The following PADI2 variants were observed in gnomAD, a reference collection of about 807,000 sequenced individuals.
The protein encoded by PADI2 is protein-arginine deiminase type-2.
A neutral mutation model predicts 81.1 loss-of-function variants in PADI2; 70 were observed. That is an observed-to-expected ratio of 0.86 (90% CI 0.71 to 1.05). The LOEUF (loss-of-function observed/expected upper bound fraction) is 1.05, where lower values mean the gene tolerates loss of function less well. Among genes scored for constraint, PADI2 ranks in the 50% least tolerant of loss-of-function variants. The probability of loss-of-function intolerance (pLI) is 0.00; values close to 1 mark genes in which losing one functional copy is unlikely to be tolerated. For missense variants in PADI2, 853 were observed against 889.9 expected, an observed-to-expected ratio of 0.96 and a Z score of 0.53; for synonymous variants, 338 against 358.0, an observed-to-expected ratio of 0.94 and a Z score of 0.63.
chr1:17,104,559 C>A lies in PADI2; in HGVS notation c.276+319G>T, dbSNP rs541248574. Among the ~76,000 whole-genome samples, 799 of 150,482 alleles carry A rather than the reference C, an allele frequency of 5.3e-3. 4 individuals carry two copies. The highest frequency in any genetic ancestry group is 0.024 in the Middle Eastern group (7 of 292). On this transcript the variant is annotated intron_variant, in intron 2 of 15. Coordinates refer to ENST00000375486, the MANE Select transcript of PADI2 (RefSeq NM_007365.3). ...ACGCCATTCTCCTGCCTCAGCCTCCCAAGTAGCTGGGTCTACAGGCACCCG... is the reference window on the plus strand; with the variant it reads ...ACGCCATTCTCCTGCCTCAGCCTCCAAAGTAGCTGGGTCTACAGGCACCCG...
chr1:17,112,502 T>C (rs573562496), intron 1 of PADI2, among the ~76,000 whole-genome samples: 1 of 136,864 alleles, frequency 7.3e-6, no homozygotes, highest in East Asian at 2.4e-4. Flanking sequence ...GACATCCTGC[T>C]CTTGGGGCTT....
Position 17,069,077 on chromosome 1 carries a change from G to A in PADI2, c.1965C>T (p.Pro655=). 1 of 1,614,218 alleles carries A rather than the reference G, an allele frequency of 6.2e-7. No individual in the cohort carries two copies. Among genetic ancestry groups the A allele is most frequent in the Non-Finnish European group, 8.5e-7 (1 of 1,180,010 alleles). ...VHCGTNVRRK[P]FTFKWWHMVP is the part of the protein sequence containing the mutation. ...CCATGTGCCACCACTTGAAGGTGAA[G>A]GGCTTCCTGCGGACGTTGGTGCCAC... Residue 655 remains proline (P), a synonymous_variant, in exon 16 of 16, where the codon CCC becomes CCT. Transcript: ENST00000375486.
chr1:17,099,953 T>G (rs1190526080), intron 3 of PADI2, among the ~76,000 whole-genome samples: 1 of 152,066 alleles, frequency 6.6e-6, no homozygotes, highest in African/African-American at 2.4e-5. Flanking sequence ...CTCTTTCTGC[T>G]CAATGTGGAC....
At chr1:17,102,754 G>GGGA (rs748437796) in intron 3 of PADI2, among the ~76,000 whole-genome samples, 22 of 151,260 alleles carry the variant, frequency 1.5e-4, no homozygotes, top group Admixed American at 1.4e-3. Flanking sequence ...TGACACTTGG[G>GGGA]GGGGGGTTGC....
chr1:17,095,346 C>T (rs1235489111), intron 4 of PADI2, among the ~76,000 whole-genome samples: 1 of 152,156 alleles, frequency 6.6e-6, no homozygotes, highest in Admixed American at 6.5e-5. Flanking sequence ...GAAAGAGACA[C>T]ATTAAACCCA....
In PADI2 at chr1:17,092,335, A is replaced by G. The variant is rs111968999; in HGVS notation, c.655+73T>C. On this transcript the variant is annotated intron_variant, in intron 6 of 15. Transcript: ENST00000375486. ...CTTCCCCAGGCACCTGCACCTGTGAAGGCCACAACTGCTAAGGGGAGGAGG... is the reference window on the plus strand; with the variant it reads ...CTTCCCCAGGCACCTGCACCTGTGAGGGCCACAACTGCTAAGGGGAGGAGG... 5,835 of 1,318,912 alleles carry G rather than the reference A, an allele frequency of 4.4e-3. 186 individuals are homozygous for G. In the African/African-American group the frequency reaches 0.07, roughly 16 times the overall value. 81.7% of individuals were successfully genotyped at this position (1,318,912 alleles called of 1,614,324 possible).
At chr1:17,083,497 A>G (rs2078362185) in intron 9 of PADI2, 1 of 505,504 alleles carries the variant, frequency 2.0e-6, no homozygotes, top group East Asian at 3.2e-5. Flanking sequence ...GCCGTTACTC[A>G]GTCCTCCACA....
chr1:17,074,039 A>G (rs1386965956), intron 13 of PADI2, among the ~76,000 whole-genome samples: 1 of 152,200 alleles, frequency 6.6e-6, no homozygotes, highest in East Asian at 1.9e-4. Context: ...CTCTCTTTCT[A>G]AAATACAAGC....
chr1:17,072,696 A>G (rs1477283591), intron 13 of PADI2, among the ~76,000 whole-genome samples: 1 of 152,196 alleles, frequency 6.6e-6, no homozygotes, highest in Non-Finnish European at 1.5e-5. Flanking sequence ...ATGCCTGACC[A>G]TGCCTTCTGT....
chr1:17,108,897 A>G (rs1450897588), intron 1 of PADI2, among the ~76,000 whole-genome samples: 1 of 152,244 alleles, frequency 6.6e-6, no homozygotes, highest in Non-Finnish European at 1.5e-5. Flanking sequence ...CTATGGCCTC[A>G]GGTCTGGGAA....
intron 1 of PADI2, among the ~76,000 whole-genome samples, chr1:17,117,123 T>C (rs577102308): frequency 6.6e-6 from 1 of 152,282 alleles, no homozygotes; most frequent in Non-Finnish European, 1.5e-5. Flanking sequence ...TAGTGCGAGA[T>C]TGAGAAACTC....
rs374198858 is a variant in PADI2, at chr1:17,104,875, T to C, written c.276+3A>G. The C allele has an allele frequency of 2.7e-5, 42 of 1,566,422 alleles. No homozygotes were observed. The highest frequency in any genetic ancestry group is 3.6e-5 in the Non-Finnish European group (41 of 1,153,990). ...GCAGAGGCTGGACTTCCCGCCGTGG[T>C]ACCTTGTCACTGCTGGCCTCGGTGC... On this transcript the variant is annotated splice_donor_region_variant and intron_variant, in intron 2 of 15. Coordinates refer to ENST00000375486, the MANE Select transcript of PADI2 (RefSeq NM_007365.3).
chr1:17,093,749 T>A, intron 4 of PADI2, 65 bp from the exon 5 acceptor site: 1 of 955,592 alleles, frequency 1.0e-6, no homozygotes, highest in Non-Finnish European at 1.7e-6. Context: ...CATGGGACAC[T>A]GGAGAGATAG....
chr1:17,114,290 G>GTTCA (rs1237468995), intron 1 of PADI2, among the ~76,000 whole-genome samples: 35 of 152,138 alleles, frequency 2.3e-4, no homozygotes, highest in Middle Eastern at 3.4e-3. Context: ...TCATTCATTC[G>GTTCA]TTCATTCATT....
intron 2 of PADI2, 95 bp downstream of exon 2, chr1:17,104,783 C>T (rs1217457308): frequency 2.8e-6 from 3 of 1,087,924 alleles, no homozygotes; most frequent in Admixed American, 5.3e-5. Flanking sequence ...TGACACATGG[C>T]CCACGTGCAG....
intron 4 of PADI2, among the ~76,000 whole-genome samples, chr1:17,095,150 G>T (rs1338096406): frequency 6.6e-6 from 1 of 152,208 alleles, no homozygotes; most frequent in African/African-American, 2.4e-5. Flanking sequence ...ATACAGAAGG[G>T]CAGAAAATGG....
intron 14 of PADI2, among the ~76,000 whole-genome samples, chr1:17,070,782 C>T (rs1248371093): frequency 6.6e-6 from 1 of 152,122 alleles, no homozygotes; most frequent in East Asian, 1.9e-4. Context: ...CTGCCTCAGC[C>T]TCCCAAGTAG....
chr1:17,071,551 C>T (rs978398332), intron 13 of PADI2, 60 bp from the exon 14 acceptor site: 15 of 1,366,348 alleles, frequency 1.1e-5, no homozygotes, highest in East Asian at 2.3e-5. Flanking sequence ...GAGTGTTCCC[C>T]TTTTGCCAAG....
chr1:17,097,610 C>T (rs1261753525), intron 3 of PADI2, among the ~76,000 whole-genome samples: 1 of 152,218 alleles, frequency 6.6e-6, no homozygotes, highest in Non-Finnish European at 1.5e-5. Flanking sequence ...AAGGCGTCCA[C>T]AGTCCCATGA....
Sources: gnomAD v4.1 joint callset for allele counts (sites outside exome capture counted in the v4.1 genomes callset) on GRCh38, gnomAD v4.1.1 for gene constraint, MANE v1.5 for transcripts, NCBI Gene and HGNC (gene_info 2026-07-23, HGNC 2026-07-21) for gene names.